The following SUGCT variants were observed in gnomAD, a reference collection of about 807,000 sequenced individuals.
SUGCT encodes succinyl-CoA:glutarate CoA-transferase.
SUGCT carries 41 observed loss-of-function variants against 55.0 expected under a neutral mutation model. That is an observed-to-expected ratio of 0.74 (90% CI 0.58 to 0.97). The LOEUF (loss-of-function observed/expected upper bound fraction) is 0.97, where lower values mean the gene tolerates loss of function less well. Among genes scored for constraint, SUGCT ranks in the 50% least tolerant of loss-of-function variants. The probability of loss-of-function intolerance (pLI) is 0.00; values close to 1 mark genes in which losing one functional copy is unlikely to be tolerated. For synonymous variants in SUGCT, 187 were observed against 200.4 expected (o/e 0.93, Z 0.56); for missense variants, 568 against 547.8 (o/e 1.04, Z -0.37).
chr7:40,478,081 C>G (rs1790805595), intron 11 of SUGCT, among the ~76,000 whole-genome samples: 2 of 152,184 alleles, frequency 1.3e-5, no homozygotes, highest in Non-Finnish European at 2.9e-5. Flanking sequence ...CAGCCTCAAA[C>G]TCTTGGGCTC....
intron 11 of SUGCT, among the ~76,000 whole-genome samples, chr7:40,477,854 T>C (rs1562804572): frequency 6.6e-6 from 1 of 152,192 alleles, no homozygotes; most frequent in South Asian, 2.1e-4. Context: ...ATGTTTGATA[T>C]GTTGCTTAGA....
intron 12 of SUGCT, among the ~76,000 whole-genome samples, chr7:40,503,644 A>G (rs559604798): frequency 3.9e-5 from 6 of 152,272 alleles, no homozygotes; most frequent in South Asian, 2.1e-4. Context: ...GATTATATCT[A>G]TGCTTTATGC....
chr7:40,529,058 C>G (rs1414942001), intron 12 of SUGCT, among the ~76,000 whole-genome samples: 1 of 152,138 alleles, frequency 6.6e-6, no homozygotes, highest in Admixed American at 6.5e-5. Flanking sequence ...GGGAAATTCC[C>G]ACAACATAGG....
intron 6 of SUGCT, among the ~76,000 whole-genome samples, chr7:40,225,141 G>C (rs1218086052): frequency 1.3e-5 from 2 of 152,196 alleles, no homozygotes; most frequent in Non-Finnish European, 2.9e-5. Flanking sequence ...GTTGGATATA[G>C]TAAAACAAAG....
intron 7 of SUGCT, among the ~76,000 whole-genome samples, chr7:40,252,057 T>C (rs1790460127): frequency 6.6e-6 from 1 of 152,210 alleles, no homozygotes; most frequent in Non-Finnish European, 1.5e-5. Flanking sequence ...ATTCTATCTT[T>C]ATGAATGAAA....
At chr7:40,486,862 C>T (rs1791387435) in intron 11 of SUGCT, among the ~76,000 whole-genome samples, 1 of 151,398 alleles carries the variant, frequency 6.6e-6, no homozygotes, top group African/African-American at 2.4e-5. Flanking sequence ...GTACTATAAG[C>T]AAATTCTACA....
the SUGCT span, among the ~76,000 whole-genome samples, chr7:40,998,616 C>T: frequency 1.4e-4 from 22 of 152,292 alleles, no homozygotes; most frequent in South Asian, 4.6e-3. Flanking sequence ...TTAGCTGATG[C>T]CCAGGTACAA....
At chr7:40,173,008 C>T (rs1322292136) in intron 1 of SUGCT, among the ~76,000 whole-genome samples, 2 of 152,186 alleles carry the variant, frequency 1.3e-5, no homozygotes, top group South Asian at 2.1e-4. Context: ...CCAAATGTTA[C>T]GGGTGGGTCT....
intron 12 of SUGCT, among the ~76,000 whole-genome samples, chr7:40,669,090 T>G (rs967126049): frequency 6.6e-6 from 1 of 152,170 alleles, no homozygotes; most frequent in Non-Finnish European, 1.5e-5. Flanking sequence ...GGACAAAGAT[T>G]TTTTGCCCCT....
At chr7:40,714,836 A>G (rs1444339134) in intron 12 of SUGCT, among the ~76,000 whole-genome samples, 1 of 152,250 alleles carries the variant, frequency 6.6e-6, no homozygotes, top group Non-Finnish European at 1.5e-5. Context: ...GGATGAAACA[A>G]TAATACTTGC....
intron 9 of SUGCT, among the ~76,000 whole-genome samples, chr7:40,444,025 A>G (rs957629818): frequency 6.6e-6 from 1 of 152,066 alleles, no homozygotes; most frequent in Non-Finnish European, 1.5e-5. Context: ...CAAAGATCAG[A>G]TGGTTGTAGA....
At chr7:40,173,427 A>G (rs1231100800) in intron 1 of SUGCT, among the ~76,000 whole-genome samples, 1 of 152,206 alleles carries the variant, frequency 6.6e-6, no homozygotes, top group African/African-American at 2.4e-5. Context: ...ACAAACACGG[A>G]CCAGAAGAGT....
chr7:40,435,671 T>C (rs1435222323), intron 9 of SUGCT, among the ~76,000 whole-genome samples: 1 of 152,176 alleles, frequency 6.6e-6, no homozygotes, highest in African/African-American at 2.4e-5. Context: ...GGCTTGGGCT[T>C]CTGCTTTTGC....
chr7:40,158,164 T>C (rs1450937652), intron 1 of SUGCT, among the ~76,000 whole-genome samples: 2 of 151,748 alleles, frequency 1.3e-5, no homozygotes, highest in Middle Eastern at 6.4e-3. Flanking sequence ...AGCGTACCAC[T>C]GCACTCCAGC....
chr7:40,350,215 T>G (rs1481801087), intron 9 of SUGCT, among the ~76,000 whole-genome samples: 1 of 151,480 alleles, frequency 6.6e-6, no homozygotes, highest in Non-Finnish European at 1.5e-5. Context: ...TCTTTGTACT[T>G]ATTACAATTT....
Position 40,231,783 on chromosome 7 carries a change from G to A in SUGCT, c.485-5852G>A, listed in dbSNP as rs185526131. ...TTAAAAAGCTTTAGGCAGGAAAGTA[G>A]TGTACTGATTTACCTTTTCAAAAGG... On this transcript the variant is annotated intron_variant, in intron 6 of 13. Transcript: ENST00000335693. Among the ~76,000 whole-genome samples the A allele has an allele frequency of 1.3e-4, 20 of 152,320 alleles. No homozygotes were observed. The East Asian group carries it at 3.7e-3, about 28-fold the overall frequency.
At chr7:40,437,174 A>G (rs1392143509) in intron 9 of SUGCT, among the ~76,000 whole-genome samples, 7 of 152,234 alleles carry the variant, frequency 4.6e-5, no homozygotes, top group Non-Finnish European at 1.0e-4. Context: ...GACAACACGT[A>G]AAGAATAGAA....
intron 13 of SUGCT, among the ~76,000 whole-genome samples, chr7:40,780,753 C>T (rs796578008): frequency 8.4e-5 from 12 of 142,144 alleles, no homozygotes; most frequent in South Asian, 2.3e-4. Flanking sequence ...TTTTTTTTTT[C>T]TTTTTCTTTC....
the SUGCT span, among the ~76,000 whole-genome samples, chr7:41,000,168 T>C: frequency 7.9e-4 from 120 of 152,258 alleles, no homozygotes; most frequent in Non-Finnish European, 1.5e-3. Flanking sequence ...ATCATTATGT[T>C]TGTGTGTGTG....
Sources: allele counts gnomAD v4.1 joint callset (sites outside exome capture counted in the v4.1 genomes callset), GRCh38; gene constraint gnomAD v4.1.1; transcripts MANE v1.5; gene names NCBI Gene and HGNC (gene_info 2026-07-23, HGNC 2026-07-21).